Variants in KCNJ6 observed in about 807,000 individuals in gnomAD.
The protein encoded by KCNJ6 is potassium inwardly rectifying channel subfamily J member 6.
Under a neutral mutation model 34.2 loss-of-function variants are expected in KCNJ6, and 9 were observed. The observed-to-expected ratio is 0.26, with a 90% CI of 0.16 to 0.46. KCNJ6 has a LOEUF of 0.46. KCNJ6 is among the 20% of genes least tolerant of loss of function. KCNJ6 has a pLI of 1.00. For missense variants in KCNJ6, 236 were observed against 531.3 expected, an observed-to-expected ratio of 0.44 and a Z score of 5.46; for synonymous variants, 196 against 207.1, an observed-to-expected ratio of 0.95 and a Z score of 0.46.
chr21:37,855,056 C>T (rs9982486), intron 1 of KCNJ6, among the ~76,000 whole-genome samples: 16,269 of 152,270 alleles, frequency 0.11, 1,260 homozygotes, highest in African/African-American at 0.21. Context: ...GCAGAATACA[C>T]GTTCTTTCCA....
chr21:37,866,793 C>T (rs188106049), intron 1 of KCNJ6, among the ~76,000 whole-genome samples: 7 of 152,272 alleles, frequency 4.6e-5, no homozygotes, highest in East Asian at 3.9e-4. Context: ...AGATGGCCAA[C>T]GGCTGTTGGA....
chr21:37,905,974 G>C (rs2055839687), intron 1 of KCNJ6, among the ~76,000 whole-genome samples: 2 of 152,338 alleles, frequency 1.3e-5, no homozygotes, highest in Admixed American at 6.5e-5. Context: ...AAGGTCTGCT[G>C]TGATAAGCCC....
At chr21:37,793,195 CTCTG>C (rs2055224990) in intron 2 of KCNJ6, among the ~76,000 whole-genome samples, 1 of 152,206 alleles carries the variant, frequency 6.6e-6, no homozygotes, top group Admixed American at 6.5e-5. Context: ...TAAATAACAG[CTCTG>C]TCTTTTTGAA....
chr21:37,633,799 A>G (rs960170974), intron 3 of KCNJ6, among the ~76,000 whole-genome samples: 1 of 152,160 alleles, frequency 6.6e-6, no homozygotes, highest in Non-Finnish European at 1.5e-5. Flanking sequence ...GGGAGACAGT[A>G]AGGAAGATTT....
intron 2 of KCNJ6, among the ~76,000 whole-genome samples, chr21:37,806,700 T>A (rs919434447): frequency 1.3e-5 from 2 of 152,240 alleles, no homozygotes; most frequent in African/African-American, 4.8e-5. Context: ...AATCCTGATC[T>A]AAATTCACAA....
intron 2 of KCNJ6, among the ~76,000 whole-genome samples, chr21:37,774,172 C>A (rs2055130799): frequency 6.6e-6 from 1 of 152,162 alleles, no homozygotes; most frequent in Non-Finnish European, 1.5e-5. Flanking sequence ...CTGCCCCTTG[C>A]TAACTGCTCG....
At chr21:37,832,490 C>T (rs929772559) in intron 2 of KCNJ6, among the ~76,000 whole-genome samples, 10 of 152,150 alleles carry the variant, frequency 6.6e-5, no homozygotes, top group East Asian at 1.9e-4. Context: ...CTGGGACCTC[C>T]GGATGAATGG....
chr21:37,693,046 T>C (rs2054647234), intron 3 of KCNJ6, among the ~76,000 whole-genome samples: 1 of 150,336 alleles, frequency 6.7e-6, no homozygotes, highest in Non-Finnish European at 1.5e-5. Flanking sequence ...CCATCATGTT[T>C]TCAAGCTTTT....
intron 1 of KCNJ6, among the ~76,000 whole-genome samples, chr21:37,875,573 C>T (rs558834488): frequency 2.0e-5 from 3 of 152,370 alleles, no homozygotes; most frequent in East Asian, 3.9e-4. Context: ...TCTGAAGCTG[C>T]TGCAGGATGT....
At chr21:37,678,096 C>G (rs1410082315) in intron 3 of KCNJ6, among the ~76,000 whole-genome samples, 1 of 152,070 alleles carries the variant, frequency 6.6e-6, no homozygotes, top group Non-Finnish European at 1.5e-5. Flanking sequence ...TGGGGCCAAA[C>G]AGAAGCCGGC....
At chr21:37,733,333 C>CG (rs148988784) in intron 2 of KCNJ6, among the ~76,000 whole-genome samples, 4 of 152,002 alleles carry the variant, frequency 2.6e-5, no homozygotes, top group Admixed American at 2.6e-4. Context: ...GTTGGTATTT[C>CG]GGGGGTCTTT....
chr21:37,828,628 T>A (rs1265420501), intron 2 of KCNJ6, among the ~76,000 whole-genome samples: 1 of 152,238 alleles, frequency 6.6e-6, no homozygotes, highest in African/African-American at 2.4e-5. Flanking sequence ...TCAGTCCCGG[T>A]CCGGGAGAGG....
intron 2 of KCNJ6, among the ~76,000 whole-genome samples, chr21:37,747,330 C>T (rs922180714): frequency 6.6e-5 from 10 of 152,212 alleles, no homozygotes; most frequent in Admixed American, 6.5e-4. Flanking sequence ...TTTGGTTTCC[C>T]AAAGCCTTGG....
intron 2 of KCNJ6, among the ~76,000 whole-genome samples, chr21:37,797,088 G>A (rs966144570): frequency 3.0e-4 from 46 of 152,054 alleles, no homozygotes; most frequent in African/African-American, 1.1e-3. Context: ...TTAAGATGGA[G>A]TCTTACTTTG....
At chr21:37,786,545 A>T (rs553700907) in intron 2 of KCNJ6, among the ~76,000 whole-genome samples, 32 of 152,210 alleles carry the variant, frequency 2.1e-4, no homozygotes, top group Non-Finnish European at 4.1e-4. Context: ...GCTGAACAAT[A>T]GGCCAACAGT....
chr21:37,649,132 C>CAAAAA (rs1169306298), intron 3 of KCNJ6, among the ~76,000 whole-genome samples: 213 of 39,626 alleles, frequency 5.4e-3, no homozygotes, highest in East Asian at 0.016. Flanking sequence ...GACTCCATCT[C>CAAAAA]AAAAAAAAAA....
chr21:37,659,595 T>C (rs935692003), intron 3 of KCNJ6, among the ~76,000 whole-genome samples: 1 of 152,188 alleles, frequency 6.6e-6, no homozygotes, highest in African/African-American at 2.4e-5. Flanking sequence ...GGCAGGCTGC[T>C]GGCTCCAGCC....
At chr21:37,761,717 T>TTG (rs1326503385) in intron 2 of KCNJ6, among the ~76,000 whole-genome samples, 1 of 151,358 alleles carries the variant, frequency 6.6e-6, no homozygotes, top group Non-Finnish European at 1.5e-5. Context: ...ATGTGTATAT[T>TTG]TGTGTGTGTG....
intron 3 of KCNJ6, among the ~76,000 whole-genome samples, chr21:37,638,070 C>T (rs2054365793): frequency 6.6e-6 from 1 of 152,222 alleles, no homozygotes; most frequent in Admixed American, 6.5e-5. Context: ...GGAGGCCAAG[C>T]TCCAGAGTCT....
Sources: gnomAD v4.1 joint callset for allele counts (sites outside exome capture counted in the v4.1 genomes callset) on GRCh38, gnomAD v4.1.1 for gene constraint, MANE v1.5 for transcripts, NCBI Gene and HGNC (gene_info 2026-07-23, HGNC 2026-07-21) for gene names.